The following PDCD6IP variants were observed in gnomAD, a reference collection of about 807,000 sequenced individuals.
The protein encoded by PDCD6IP is programmed cell death 6-interacting protein.
In PDCD6IP, 43 loss-of-function variants were observed where a neutral mutation model predicts 103.7. The ratio of observed to expected loss-of-function variants is 0.41; its 90% CI spans 0.32 to 0.53. The LOEUF (loss-of-function observed/expected upper bound fraction) is 0.53. Ranked by LOEUF, PDCD6IP falls within the 20% of genes least tolerant of loss-of-function variation. PDCD6IP has a pLI of 0.16. For missense variants in PDCD6IP, 871 were observed against 1,036.7 expected (o/e 0.84, Z 2.20); for synonymous variants, 354 against 378.7 (o/e 0.93, Z 0.76).
chr3:33,859,701 A>G (rs1392034786), intron 15 of PDCD6IP, among the ~76,000 whole-genome samples: 3 of 152,218 alleles, frequency 2.0e-5, no homozygotes, highest in Non-Finnish European at 4.4e-5. Flanking sequence ...TGTTGGAGAA[A>G]TAGATTTCAT....
chr3:33,856,458 A>G (rs373143897), intron 15 of PDCD6IP, among the ~76,000 whole-genome samples: 1 of 139,230 alleles, frequency 7.2e-6, no homozygotes, highest in Non-Finnish European at 1.6e-5. Context: ...ATGAAACCAA[A>G]GTCAAGAAAG....
chr3:33,813,528 C>T (rs1696763572), intron 2 of PDCD6IP, 31 bp from the exon 3 acceptor site: 1 of 1,374,052 alleles, frequency 7.3e-7, no homozygotes, highest in Non-Finnish European at 1.0e-6. Context: ...GGAAGGTTAC[C>T]TAATTTTCTG....
At chr3:33,811,967 C>G (rs1367341734) in intron 1 of PDCD6IP, 105 bp from the exon 2 acceptor site, 1 of 1,379,966 alleles carries the variant, frequency 7.2e-7, no homozygotes, top group East Asian at 2.9e-5. Context: ...AATAGCTGCT[C>G]AAAGTAAGCA....
chr3:33,825,788 A>G (rs1697109234), intron 5 of PDCD6IP, among the ~76,000 whole-genome samples: 1 of 152,206 alleles, frequency 6.6e-6, no homozygotes, highest in African/African-American at 2.4e-5. Context: ...TTCAGAAATA[A>G]TTGCTATAAA....
At chr3:33,832,366 T>C (rs889842965) in intron 7 of PDCD6IP, among the ~76,000 whole-genome samples, 2 of 152,144 alleles carry the variant, frequency 1.3e-5, no homozygotes, top group African/African-American at 4.8e-5. Context: ...CATTAGGAGT[T>C]AGGGATTCAA....
At chr3:33,801,243 T>C (rs1696470284) in intron 1 of PDCD6IP, among the ~76,000 whole-genome samples, 1 of 152,218 alleles carries the variant, frequency 6.6e-6, no homozygotes, top group Non-Finnish European at 1.5e-5. Flanking sequence ...CAGAATATCT[T>C]ATTTTTAATA....
chr3:33,838,685 A>G (rs992201891), intron 9 of PDCD6IP, among the ~76,000 whole-genome samples: 1 of 151,966 alleles, frequency 6.6e-6, no homozygotes, highest in Non-Finnish European at 1.5e-5. Flanking sequence ...GGTTTAAAAA[A>G]TTTTTAGGTA....
At chr3:33,849,912 G>C (rs1031246154) in intron 12 of PDCD6IP, among the ~76,000 whole-genome samples, 1 of 151,892 alleles carries the variant, frequency 6.6e-6, no homozygotes, top group Non-Finnish European at 1.5e-5. Flanking sequence ...TCATAAATTC[G>C]TTGTTTGAAA....
chr3:33,802,998 C>T (rs1295082542), intron 1 of PDCD6IP, among the ~76,000 whole-genome samples: 2 of 152,202 alleles, frequency 1.3e-5, no homozygotes, highest in Admixed American at 6.5e-5. Flanking sequence ...TCCCTCTTAG[C>T]CAGTTAGATT....
chr3:33,810,680 A>C (rs1031523107), intron 1 of PDCD6IP, among the ~76,000 whole-genome samples: 28 of 152,072 alleles, frequency 1.8e-4, no homozygotes, highest in African/African-American at 6.5e-4. Flanking sequence ...GGTGACATGC[A>C]CCTGTAGTCC....
rs561780369 is a variant in PDCD6IP, at chr3:33,852,984, C to T, written c.1890+248C>T. ...TGTCGCCCAGGCTGGAGTGCAGTGGCGCGATCTTGGCTCACTGCAAGCTCC... is the reference window on the plus strand; with the variant it reads ...TGTCGCCCAGGCTGGAGTGCAGTGGTGCGATCTTGGCTCACTGCAAGCTCC... On this transcript the variant is annotated intron_variant, in intron 13 of 17. Coordinates refer to ENST00000307296, the MANE Select transcript of PDCD6IP (RefSeq NM_013374.6). Among the ~76,000 whole-genome samples, 10 of 145,650 alleles carry T rather than the reference C, an allele frequency of 6.9e-5. No homozygotes were observed. The East Asian group carries it at 1.9e-3, about 27-fold the overall frequency.
intron 10 of PDCD6IP, among the ~76,000 whole-genome samples, chr3:33,843,205 G>A (rs1208019400): frequency 6.6e-6 from 1 of 151,974 alleles, no homozygotes; most frequent in Non-Finnish European, 1.5e-5. Flanking sequence ...TCTTTTGTAG[G>A]GCAGTTTTCT....
intron 1 of PDCD6IP, among the ~76,000 whole-genome samples, chr3:33,799,960 A>T (rs1016200758): frequency 6.6e-6 from 1 of 151,868 alleles, no homozygotes; most frequent in Non-Finnish European, 1.5e-5. Context: ...CTCTACTAAA[A>T]ATACAACAAA....
At chr3:33,856,683 T>G (rs1215287010) in intron 15 of PDCD6IP, among the ~76,000 whole-genome samples, 1 of 152,178 alleles carries the variant, frequency 6.6e-6, no homozygotes, top group Non-Finnish European at 1.5e-5. Context: ...ATATAAATTA[T>G]TGGCCTTAAA....
intron 1 of PDCD6IP, among the ~76,000 whole-genome samples, chr3:33,806,680 A>G (rs1300869576): frequency 6.6e-6 from 1 of 152,214 alleles, no homozygotes; most frequent in African/African-American, 2.4e-5. Context: ...CTGCTGCTAT[A>G]GTAAAGTGTA....
chr3:33,799,047 C>G, intron 1 of PDCD6IP, 110 bp downstream of exon 1: 1 of 1,049,742 alleles, frequency 9.5e-7, no homozygotes, highest in East Asian at 2.6e-5. Context: ...GCCGCCCCGT[C>G]CCGGCCTGAC....
At chr3:33,855,849 G>A (rs4679093) in intron 15 of PDCD6IP, among the ~76,000 whole-genome samples, 44,538 of 152,094 alleles carry the variant, frequency 0.29, 6,758 homozygotes, top group East Asian at 0.41. Flanking sequence ...CTGACCATGA[G>A]CTAAACAAAA....
At chr3:33,807,393 A>G (rs1480326973) in intron 1 of PDCD6IP, among the ~76,000 whole-genome samples, 1 of 152,122 alleles carries the variant, frequency 6.6e-6, no homozygotes, top group African/African-American at 2.4e-5. Context: ...CTTTGCTTCT[A>G]GCTCCTGTCA....
chr3:33,813,242 T>TA (rs1265901372), intron 2 of PDCD6IP: 1 of 186,134 alleles, frequency 5.4e-6, no homozygotes, highest in Non-Finnish European at 1.1e-5. Context: ...TTATTTCCCT[T>TA]GCTTCACTTA....
Sources: gnomAD v4.1 joint callset for allele counts (sites outside exome capture counted in the v4.1 genomes callset) on GRCh38, gnomAD v4.1.1 for gene constraint, MANE v1.5 for transcripts, NCBI Gene and HGNC (gene_info 2026-07-23, HGNC 2026-07-21) for gene names.